The following CDK13 variants were observed in gnomAD, a reference collection of about 807,000 sequenced individuals.
The protein encoded by CDK13 is cyclin dependent kinase 13, also known as cyclin-dependent kinase 13.
CDK13 carries 40 observed loss-of-function variants against 137.6 expected under a neutral mutation model. That is an observed-to-expected ratio of 0.29 (90% CI 0.23 to 0.38). CDK13 has a LOEUF of 0.38. Ranked by LOEUF, CDK13 falls within the 10% of genes least tolerant of loss-of-function variation. The pLI, the probability that CDK13 is intolerant of heterozygous loss-of-function variation, is 1.00. For synonymous variants in CDK13, 869 were observed against 760.1 expected, an observed-to-expected ratio of 1.14 and a Z score of -2.36; for missense variants, 1,704 against 1,951.8, an observed-to-expected ratio of 0.87 and a Z score of 2.39.
At position 40,044,515 on chromosome 7, in the gene CDK13, C is replaced by T. The variant is rs931967552; in HGVS notation, c.2354-1321C>T. ...TGTAGTTTTTGTAGAGACAGGGTTT[C>T]GACATGTTGCCCAGGCTGGTTTCAT... On this transcript the variant is annotated intron_variant, in intron 5 of 13. Transcript: ENST00000181839. 9.9e-5 allele frequency among the ~76,000 whole-genome samples: 15 copies of T among 151,656 alleles called. No homozygotes were observed. The East Asian group carries it at 1.2e-3, about 12-fold the overall frequency.
intron 5 of CDK13, among the ~76,000 whole-genome samples, chr7:40,036,526 C>T (rs886183748): frequency 1.3e-5 from 2 of 152,030 alleles, no homozygotes; most frequent in Admixed American, 6.6e-5. Flanking sequence ...GAGTTGAGAT[C>T]GTGCACTGTA....
intron 7 of CDK13, among the ~76,000 whole-genome samples, chr7:40,052,667 C>T (rs1002118342): frequency 6.6e-6 from 1 of 152,086 alleles, no homozygotes; most frequent in South Asian, 2.1e-4. Context: ...AAGGCAGTAT[C>T]GCCATCTAGT....
At chr7:39,991,842 A>G (rs1019518989) in intron 2 of CDK13, among the ~76,000 whole-genome samples, 3 of 152,006 alleles carry the variant, frequency 2.0e-5, no homozygotes, top group Non-Finnish European at 4.4e-5. Context: ...GGCTGAATCC[A>G]GGAGTTTGAG....
intron 5 of CDK13, among the ~76,000 whole-genome samples, chr7:40,031,028 A>G (rs1421807222): frequency 6.6e-6 from 1 of 152,132 alleles, no homozygotes; most frequent in Admixed American, 6.5e-5. Context: ...GGATTGATGG[A>G]TTATATATGG....
rs535032295 is a variant in CDK13 at position 40,018,325 on chromosome 7, T to A, written c.2353+16294T>A. ...TAAATACTAGATAAACATTTTATGT[T>A]ACTATTATAATAATCATTATTTCTT... On this transcript the variant is annotated intron_variant, in intron 5 of 13. Coordinates refer to ENST00000181839, the MANE Select transcript of CDK13 (RefSeq NM_003718.5). 5.3e-5 allele frequency among the ~76,000 whole-genome samples: 8 copies of A among 152,286 alleles called. No individual in the cohort carries two copies. The South Asian group carries it at 1.7e-3, about 32-fold the overall frequency.
rs1380552208 is a variant in CDK13 at position 40,095,169 on chromosome 7, A to G, written c.*189A>G. 3 of 413,744 alleles carry G rather than the reference A, an allele frequency of 7.3e-6. No homozygotes were observed. The highest frequency in any genetic ancestry group is 1.2e-5 in the Non-Finnish European group (3 of 245,520). 25.6% of individuals were successfully genotyped at this position (413,744 alleles called of 1,614,324 possible). On this transcript the variant is annotated 3_prime_UTR_variant, in exon 14 of 14. Transcript: ENST00000181839. Reference sequence around the variant, plus strand: ...CCTTTGCTTAAATTCATGCTGTTCTAAAAACTAGATCGATTGTACATCTTC... The same window carrying G: ...CCTTTGCTTAAATTCATGCTGTTCTGAAAACTAGATCGATTGTACATCTTC...
chr7:40,073,456 G>A (rs1172080729), intron 9 of CDK13, among the ~76,000 whole-genome samples: 4 of 152,082 alleles, frequency 2.6e-5, no homozygotes, highest in South Asian at 4.1e-4. Context: ...ACTGAGCCTT[G>A]TTTGCACCCC....
rs1562772727 is a variant in CDK13 at position 40,097,915 on chromosome 7, A to G, written c.*2935A>G. 6.6e-6 allele frequency: 1 copy of G among 152,162 alleles called. No homozygotes were observed. The allele number at this position is 152,162 out of a possible 1,614,324, so 9.4% of individuals were successfully genotyped here. A position where few individuals can be genotyped will look rare whatever the true frequency, so the allele number is the denominator to read the frequency against. On this transcript the variant is annotated 3_prime_UTR_variant, in exon 14 of 14. Coordinates refer to ENST00000181839, the MANE Select transcript of CDK13 (RefSeq NM_003718.5). ...ACATAGTCAGTGCCTACAACATGCC[A>G]GGTAGTAATCTAGTCCTTGGGGTAC...
chr7:40,046,862 T>A (rs1225330178), intron 6 of CDK13, among the ~76,000 whole-genome samples: 1 of 151,012 alleles, frequency 6.6e-6, no homozygotes, highest in South Asian at 2.1e-4. Flanking sequence ...ATAAACCCGG[T>A]GTGGTGGCAC....
At position 39,950,536 on chromosome 7, in the gene CDK13, C is replaced by A; in HGVS notation, c.-106C>A. ...GCGCTTTTCCCGGCCGGCTCTGGTGCTCGGTGTCCCTCCGCCGCCGCTCCC... is the reference window on the plus strand; with the variant it reads ...GCGCTTTTCCCGGCCGGCTCTGGTGATCGGTGTCCCTCCGCCGCCGCTCCC... On this transcript the variant is annotated 5_prime_UTR_variant, in exon 1 of 14. Transcript: ENST00000181839. The A allele has an allele frequency of 1.6e-6, 2 of 1,270,102 alleles. No homozygotes were observed. Among genetic ancestry groups the A allele is most frequent in the Non-Finnish European group, 2.0e-6 (2 of 1,008,598 alleles). 78.7% of individuals were successfully genotyped at this position (1,270,102 alleles called of 1,614,324 possible). A position where few individuals can be genotyped will look rare whatever the true frequency, so the allele number is the denominator to read the frequency against.
At chr7:39,966,924 G>A (rs1204942409) in intron 1 of CDK13, among the ~76,000 whole-genome samples, 1 of 152,136 alleles carries the variant, frequency 6.6e-6, no homozygotes, top group Non-Finnish European at 1.5e-5. Flanking sequence ...CTGCAGACCA[G>A]CGGATATTGT....
rs1432988956 is a variant in CDK13, at chr7:39,951,148, G to A, written c.507G>A (p.Thr169=). 2.3e-5 allele frequency: 29 copies of A among 1,242,158 alleles called. No homozygotes were observed. In the East Asian group the frequency reaches 9.1e-4, roughly 39 times the overall value. 76.9% of individuals were successfully genotyped at this position (1,242,158 alleles called of 1,614,324 possible). The change falls in exon 1 of 14, where the codon ACG becomes ACA. Residue 169 remains threonine (T), a synonymous_variant. Coordinates refer to ENST00000181839, the MANE Select transcript of CDK13 (RefSeq NM_003718.5). Reference sequence around the variant, plus strand: ...GGGCCAGCGCGGCAACGGCGGCGACGGCTGCCGGGGGAACGGGGGGCAGCG... The same window carrying A: ...GGGCCAGCGCGGCAACGGCGGCGACAGCTGCCGGGGGAACGGGGGGCAGCG... ...LGGASAATAA[T]AAGGTGGSGG...
intron 9 of CDK13, chr7:40,071,433 TA>T (rs1174614465): frequency 6.6e-6 from 1 of 152,230 alleles, no homozygotes; most frequent in African/African-American, 2.4e-5. Flanking sequence ...CTGTTTTCAA[TA>T]GCCTTTTTGG....
At chr7:39,999,293 T>G in intron 3 of CDK13, 68 bp from the exon 4 acceptor site, 2 of 1,314,402 alleles carry the variant, frequency 1.5e-6, no homozygotes, top group Non-Finnish European at 2.1e-6. Flanking sequence ...CGAGTAGATA[T>G]TGAGTTATTA....
intron 5 of CDK13, among the ~76,000 whole-genome samples, chr7:40,040,178 A>AT (rs1233180104): frequency 6.6e-6 from 1 of 152,056 alleles, no homozygotes; most frequent in East Asian, 1.9e-4. Flanking sequence ...CACCTGGCTA[A>AT]TTTTTTGTAA....
chr7:39,953,384 CTGGT>C (rs1221061965), intron 1 of CDK13, among the ~76,000 whole-genome samples: 1 of 152,236 alleles, frequency 6.6e-6, no homozygotes, highest in African/African-American at 2.4e-5. Flanking sequence ...GTTTTGCAAA[CTGGT>C]TGGTTGAAGT....
rs2150550870 is a variant in CDK13, at chr7:40,098,122, T to A, written c.*3142T>A. 6.6e-6 allele frequency: 1 copy of A among 152,200 alleles called. No homozygotes were observed. The highest frequency in any genetic ancestry group is 1.9e-4 in the East Asian group (1 of 5,190). 9.4% of individuals were successfully genotyped at this position (152,200 alleles called of 1,614,324 possible). On this transcript the variant is annotated 3_prime_UTR_variant, in exon 14 of 14. Transcript: ENST00000181839. ...TTGAAATTTTAAATTGAAATTTGGA[T>A]AGAGATGGTTATGGAGAGAAATCAA...
At chr7:40,035,381 A>G (rs1245755920) in intron 5 of CDK13, among the ~76,000 whole-genome samples, 2 of 152,040 alleles carry the variant, frequency 1.3e-5, no homozygotes, top group South Asian at 2.1e-4. Context: ...TGGGCCGCAC[A>G]GTAGGAGGTG....
intron 7 of CDK13, among the ~76,000 whole-genome samples, chr7:40,052,994 AAAT>A (rs1785927042): frequency 6.6e-6 from 1 of 152,234 alleles, no homozygotes; most frequent in African/African-American, 2.4e-5. Flanking sequence ...GAATGACAAT[AAAT>A]AATATGATTA....
Sources: allele counts gnomAD v4.1 joint callset (sites outside exome capture counted in the v4.1 genomes callset), GRCh38; gene constraint gnomAD v4.1.1; transcripts MANE v1.5; gene names NCBI Gene and HGNC (gene_info 2026-07-23, HGNC 2026-07-21).